CSNK1G1: variants seen among roughly 807,000 people sequenced by gnomAD.
CSNK1G1 encodes casein kinase I isoform gamma-1.
Under a neutral mutation model 59.6 loss-of-function variants are expected in CSNK1G1, and 22 were observed. The ratio of observed to expected loss-of-function variants is 0.37; its 90% CI spans 0.26 to 0.53. The LOEUF (loss-of-function observed/expected upper bound fraction) is 0.53, where lower values mean the gene tolerates loss of function less well. Ranked by LOEUF, CSNK1G1 falls within the 20% of genes least tolerant of loss-of-function variation. The pLI, the probability that CSNK1G1 is intolerant of heterozygous loss-of-function variation, is 0.89. For synonymous variants in CSNK1G1, 179 were observed against 177.1 expected (o/e 1.01, Z -0.08); for missense variants, 384 against 519.5 (o/e 0.74, Z 2.54).
intron 2 of CSNK1G1, among the ~76,000 whole-genome samples, chr15:64,290,915 C>T (rs28394429): frequency 0.041 from 6,172 of 152,070 alleles, 391 homozygotes; most frequent in African/African-American, 0.14. Context: ...GGTTTCACCA[C>T]GTTGGCCAGG....
At chr15:64,190,450 T>C (rs2081955349) in intron 10 of CSNK1G1, among the ~76,000 whole-genome samples, 1 of 152,194 alleles carries the variant, frequency 6.6e-6, no homozygotes, top group South Asian at 2.1e-4. Context: ...GTTTCACTCT[T>C]GTTGCCCAGG....
chr15:64,214,080 T>A lies in CSNK1G1; in HGVS notation c.489A>T (p.Arg163=). ...EYVHSKNLIY[R]DVKPENFLIG... is the part of the protein sequence containing the mutation. ...TCAGGAAGTTCTCTGGCTTGACATC[T>A]CGGTAAATGAGGTTCTTTGAGTGCA... Residue 163 remains arginine, a synonymous_variant, in exon 6 of 12, where the codon CGA becomes CGT. Transcript: ENST00000303052. The surrounding 1 kb of genome is among the most constrained non-coding windows in gnomAD (Gnocchi z 4.3). The A allele has an allele frequency of 6.2e-7, 1 of 1,614,170 alleles. No homozygotes were observed. The highest frequency in any genetic ancestry group is 8.5e-7 in the Non-Finnish European group (1 of 1,180,020).
At chr15:64,194,517 CTTT>C (rs374224209) in intron 10 of CSNK1G1, among the ~76,000 whole-genome samples, 48 of 128,292 alleles carry the variant, frequency 3.7e-4, no homozygotes, top group African/African-American at 1.2e-3. Context: ...CTTTTCTTTT[CTTT>C]TTTTTTTTTT....
At chr15:64,205,153 T>G (rs1309567665) in intron 7 of CSNK1G1, among the ~76,000 whole-genome samples, 1 of 152,234 alleles carries the variant, frequency 6.6e-6, no homozygotes, top group African/African-American at 2.4e-5. Flanking sequence ...TGGAAAATTT[T>G]ACTTGTGAAA....
intron 2 of CSNK1G1, among the ~76,000 whole-genome samples, chr15:64,296,162 C>T (rs1285339560): frequency 6.6e-6 from 1 of 152,142 alleles, no homozygotes; most frequent in Admixed American, 6.5e-5. Flanking sequence ...ACTCTGTCGC[C>T]CAGGCTGGAG....
At chr15:64,241,603 A>C (rs929624759) in intron 4 of CSNK1G1, among the ~76,000 whole-genome samples, 8 of 152,226 alleles carry the variant, frequency 5.3e-5, no homozygotes, top group Admixed American at 3.9e-4. Flanking sequence ...TATAACAAAT[A>C]TCTTTTCTGA....
intron 10 of CSNK1G1, among the ~76,000 whole-genome samples, chr15:64,199,737 C>T (rs1167037560): frequency 6.6e-6 from 1 of 152,098 alleles, no homozygotes; most frequent in Admixed American, 6.5e-5. Context: ...CCTGCAGTCC[C>T]AGCTACTCGG....
At chr15:64,289,977 T>C (rs1894648352) in intron 2 of CSNK1G1, among the ~76,000 whole-genome samples, 1 of 151,914 alleles carries the variant, frequency 6.6e-6, no homozygotes, top group Admixed American at 6.6e-5. Flanking sequence ...GAATGGCTAT[T>C]ATTATTATTT....
intron 2 of CSNK1G1, among the ~76,000 whole-genome samples, chr15:64,273,893 G>A (rs1893463730): frequency 6.6e-6 from 1 of 152,176 alleles, no homozygotes; most frequent in Non-Finnish European, 1.5e-5. Context: ...GACTTAGTTA[G>A]GAGAGTAAAC....
chr15:64,180,246 A>T (rs1342019826), intron 11 of CSNK1G1, 102 bp downstream of exon 11: 1 of 845,866 alleles, frequency 1.2e-6, no homozygotes, highest in Non-Finnish European at 2.0e-6. Context: ...TGTGGTTACA[A>T]GCATGAGAAA....
chr15:64,191,078 T>G (rs957520019), intron 10 of CSNK1G1, among the ~76,000 whole-genome samples: 1 of 152,174 alleles, frequency 6.6e-6, no homozygotes, highest in Non-Finnish European at 1.5e-5. Flanking sequence ...TTTTGTGTTT[T>G]TGAGATGGAG....
chr15:64,338,086 A>G (rs1897484153), intron 1 of CSNK1G1, among the ~76,000 whole-genome samples: 1 of 152,118 alleles, frequency 6.6e-6, no homozygotes, highest in South Asian at 2.1e-4. Context: ...TCTGTTTCAA[A>G]CCCTGTTTTT....
Position 64,300,416 on chromosome 15 carries a change from T to A in CSNK1G1, c.84A>T (p.Pro28=), listed in dbSNP as rs537762078. The change falls in exon 2 of 12, where the codon CCA becomes CCT. Residue 28 remains proline (P), a synonymous_variant. Transcript: ENST00000303052. ...CCCCAGAGGACGATGAGGAGCCAGA[T>A]GGTCGAGAGCAGTGTGCACTCCTTT... The part of the protein sequence containing the change: ...MAQRSAHCSR[P]SGSSSSSGVL... 6.2e-7 allele frequency: 1 copy of A among 1,614,204 alleles called. No individual in the cohort carries two copies. Among genetic ancestry groups the A allele is most frequent in the African/African-American group, 1.3e-5 (1 of 75,058 alleles).
chr15:64,250,388 T>C (rs1481106093), intron 4 of CSNK1G1, among the ~76,000 whole-genome samples: 5 of 152,208 alleles, frequency 3.3e-5, no homozygotes, highest in Admixed American at 1.3e-4. Context: ...ATGACTCATA[T>C]AATTCTAAAT....
At chr15:64,346,828 T>C (rs571230842) in intron 1 of CSNK1G1, among the ~76,000 whole-genome samples, 54 of 152,136 alleles carry the variant, frequency 3.5e-4, no homozygotes, top group African/African-American at 1.3e-3. Flanking sequence ...TGGACCTTAT[T>C]AAAAACTTCT....
rs1044789920 is a variant in CSNK1G1, at chr15:64,261,341, C to T, written c.182-2100G>A. Among the ~76,000 whole-genome samples the T allele has an allele frequency of 3.9e-5, 6 of 152,280 alleles. No homozygotes were observed. The East Asian group carries it at 5.8e-4, about 15-fold the overall frequency. ...TAGGGCCAGGTGCAGTGGCTCATGC[C>T]TGTAATCCCAGCACTTTGGGAGGCT... On this transcript the variant is annotated intron_variant, in intron 2 of 11. Coordinates refer to ENST00000303052, the MANE Select transcript of CSNK1G1 (RefSeq NM_022048.5).
chr15:64,195,837 TG>T (rs2082030989), intron 10 of CSNK1G1, among the ~76,000 whole-genome samples: 2 of 152,214 alleles, frequency 1.3e-5, no homozygotes, highest in Non-Finnish European at 2.9e-5. Context: ...CTAACTCAAC[TG>T]GGATCTTTCT....
At chr15:64,175,275 T>C (rs1337538864) in intron 11 of CSNK1G1, among the ~76,000 whole-genome samples, 2 of 152,140 alleles carry the variant, frequency 1.3e-5, no homozygotes, top group Non-Finnish European at 2.9e-5. Context: ...CTGGCTTAGA[T>C]AGTTAGGGTT....
chr15:64,345,667 T>A (rs977464949), intron 1 of CSNK1G1, among the ~76,000 whole-genome samples: 4 of 152,216 alleles, frequency 2.6e-5, no homozygotes, highest in Admixed American at 1.3e-4. Flanking sequence ...AACCACACTC[T>A]GAACAATGCT....
Sources: gnomAD v4.1 joint callset for allele counts (sites outside exome capture counted in the v4.1 genomes callset) on GRCh38, gnomAD v4.1.1 for gene constraint, Gnocchi (gnomAD v3.1) non-coding constraint, MANE v1.5 for transcripts, NCBI Gene and HGNC (gene_info 2026-07-23, HGNC 2026-07-21) for gene names.